The following NEK1 variants were observed in gnomAD, a reference collection of about 807,000 sequenced individuals.
NEK1 encodes NIMA related kinase 1, also known as serine/threonine-protein kinase Nek1.
A neutral mutation model predicts 182.1 loss-of-function variants in NEK1; 137 were observed. The ratio of observed to expected loss-of-function variants is 0.75; its 90% CI spans 0.65 to 0.87. The LOEUF is 0.87. Among genes scored for constraint, NEK1 ranks in the 40% least tolerant of loss-of-function variants. The pLI, the probability that NEK1 is intolerant of heterozygous loss-of-function variation, is 0.00. For missense variants in NEK1, 1,391 were observed against 1,494.4 expected, an observed-to-expected ratio of 0.93 and a Z score of 1.14; for synonymous variants, 513 against 492.2, an observed-to-expected ratio of 1.04 and a Z score of -0.56.
chr4:169,583,222 G>GCA (rs1766961169), intron 10 of NEK1, among the ~76,000 whole-genome samples: 1 of 146,288 alleles, frequency 6.8e-6, no homozygotes, highest in African/African-American at 2.5e-5. Flanking sequence ...AGCTGAGACT[G>GCA]CACCACTGCA....
intron 2 of NEK1, among the ~76,000 whole-genome samples, chr4:169,604,423 C>A (rs1770999818): frequency 6.6e-6 from 1 of 152,212 alleles, no homozygotes; most frequent in South Asian, 2.1e-4. Flanking sequence ...TTATTGTAGA[C>A]ATACATGAAT....
At chr4:169,456,227 G>C (rs895632416) in intron 27 of NEK1, among the ~76,000 whole-genome samples, 1 of 151,954 alleles carries the variant, frequency 6.6e-6, no homozygotes, top group African/African-American at 2.4e-5. Context: ...GTACTAAGAC[G>C]GAAGTTTATA....
At chr4:169,479,857 C>T (rs114832581) in intron 23 of NEK1, among the ~76,000 whole-genome samples, 230 of 152,214 alleles carry the variant, frequency 1.5e-3, no homozygotes, top group African/African-American at 5.0e-3. Flanking sequence ...GTTAATCTTA[C>T]ACTTCTAAAA....
chr4:169,588,747 A>G lies in NEK1; in HGVS notation c.465-12T>C. Reference sequence around the variant, plus strand: ...CCAGCTCTACAGTACTAGAAGAAAAATAAAATTATTGGAGAAGTTAAAGAC... The same window carrying G: ...CCAGCTCTACAGTACTAGAAGAAAAGTAAAATTATTGGAGAAGTTAAAGAC... On this transcript the variant is annotated splice_polypyrimidine_tract_variant and intron_variant, in intron 7 of 35. Coordinates refer to ENST00000507142, the MANE Select transcript of NEK1 (RefSeq NM_001199397.3). 6.7e-7 allele frequency: 1 copy of G among 1,503,408 alleles called. No homozygotes were observed. The highest frequency in any genetic ancestry group is 1.2e-5 in the South Asian group (1 of 83,020). The allele number at this position is 1,503,408 out of a possible 1,614,324, so 93.1% of individuals were successfully genotyped here. A position where few individuals can be genotyped will look rare whatever the true frequency, so the allele number is the denominator to read the frequency against.
chr4:169,508,995 G>A (rs574022062), intron 19 of NEK1, 143 bp from the exon 20 acceptor site: 15 of 572,162 alleles, frequency 2.6e-5, no homozygotes, highest in Admixed American at 9.7e-5. Context: ...AAACCCTGGC[G>A]TTTTCCTATG....
intron 31 of NEK1, among the ~76,000 whole-genome samples, chr4:169,423,646 T>C (rs1423965176): frequency 1.3e-5 from 2 of 152,218 alleles, no homozygotes; most frequent in East Asian, 3.8e-4. Flanking sequence ...CTATAAACTA[T>C]TTGGAAATCA....
intron 23 of NEK1, among the ~76,000 whole-genome samples, chr4:169,505,638 T>C (rs751621268): frequency 3.3e-5 from 5 of 152,200 alleles, no homozygotes; most frequent in Non-Finnish European, 5.9e-5. Flanking sequence ...CATGGGTCAA[T>C]AGTAGAGTGG....
At chr4:169,574,123 C>T (rs1248624896) in intron 12 of NEK1, among the ~76,000 whole-genome samples, 1 of 152,050 alleles carries the variant, frequency 6.6e-6, no homozygotes, top group Non-Finnish European at 1.5e-5. Flanking sequence ...GCACTACTGT[C>T]CTCTAGCCTG....
At chr4:169,398,392 A>C (rs955216130) in intron 35 of NEK1, among the ~76,000 whole-genome samples, 2 of 152,114 alleles carry the variant, frequency 1.3e-5, no homozygotes, top group Non-Finnish European at 2.9e-5. Flanking sequence ...CATGTTATTC[A>C]AGTTTGAGGA....
intron 5 of NEK1, among the ~76,000 whole-genome samples, chr4:169,595,594 T>C (rs1340178105): frequency 6.6e-6 from 1 of 152,182 alleles, no homozygotes; most frequent in Non-Finnish European, 1.5e-5. Context: ...ATGATTTTCA[T>C]GTAATCAGTT....
chr4:169,486,259 G>GT (rs1269143701), intron 23 of NEK1, among the ~76,000 whole-genome samples: 2 of 151,942 alleles, frequency 1.3e-5, no homozygotes, highest in Non-Finnish European at 2.9e-5. Context: ...GTCACAAAAG[G>GT]TTTTCAATTA....
Position 169,459,755 on chromosome 4 carries a change from T to C in NEK1, c.2587+3488A>G, listed in dbSNP as rs540193568. Among the ~76,000 whole-genome samples, 23 of 152,290 alleles carry C rather than the reference T, an allele frequency of 1.5e-4. No homozygotes were observed. In the South Asian group the frequency reaches 4.6e-3, roughly 30 times the overall value. ...ATTACAGAGGAACCTTAAGTGTATA[T>C]TACTAAGTGAAACCATCCAATCTGA... On this transcript the variant is annotated intron_variant, in intron 27 of 35. Coordinates refer to ENST00000507142, the MANE Select transcript of NEK1 (RefSeq NM_001199397.3).
intron 19 of NEK1, among the ~76,000 whole-genome samples, chr4:169,515,329 T>A (rs1471744456): frequency 6.6e-6 from 1 of 152,190 alleles, no homozygotes; most frequent in Admixed American, 6.5e-5. Context: ...CTATTCTATA[T>A]CCTTGCTGAT....
chr4:169,571,730 G>C (rs139068410), intron 12 of NEK1, among the ~76,000 whole-genome samples: 378 of 151,928 alleles, frequency 2.5e-3, no homozygotes, highest in African/African-American at 9.0e-3. Flanking sequence ...TAAAGACTCT[G>C]GCTTGCTTTT....
intron 26 of NEK1, among the ~76,000 whole-genome samples, chr4:169,464,479 T>C (rs1045836352): frequency 1.5e-4 from 23 of 152,126 alleles, no homozygotes; most frequent in Admixed American, 1.4e-3. Context: ...GGATGCTGAA[T>C]AAACCATGTG....
At chr4:169,565,760 A>G (rs1352060189) in intron 12 of NEK1, among the ~76,000 whole-genome samples, 1 of 152,232 alleles carries the variant, frequency 6.6e-6, no homozygotes, top group Non-Finnish European at 1.5e-5. Context: ...AAATCTGTAT[A>G]GAAACAGAAA....
At chr4:169,546,606 G>A (rs1319644670) in intron 18 of NEK1, among the ~76,000 whole-genome samples, 1 of 152,178 alleles carries the variant, frequency 6.6e-6, no homozygotes, top group East Asian at 1.9e-4. Context: ...CTGTGTGGGA[G>A]TCTATGTCTC....
chr4:169,402,589 T>C (rs1731872076), intron 32 of NEK1, among the ~76,000 whole-genome samples: 1 of 152,230 alleles, frequency 6.6e-6, no homozygotes, highest in Non-Finnish European at 1.5e-5. Context: ...TTATAGATGC[T>C]GGAATGAAAT....
At chr4:169,564,501 T>C (rs1310837873) in intron 12 of NEK1, among the ~76,000 whole-genome samples, 2 of 152,102 alleles carry the variant, frequency 1.3e-5, no homozygotes, top group East Asian at 1.9e-4. Flanking sequence ...CCATAACAGA[T>C]AGGCACTAAA....
Sources: gnomAD v4.1 joint callset for allele counts (sites outside exome capture counted in the v4.1 genomes callset) on GRCh38, gnomAD v4.1.1 for gene constraint, MANE v1.5 for transcripts, NCBI Gene and HGNC (gene_info 2026-07-23, HGNC 2026-07-21) for gene names.